Variants in EXT1 observed in about 807,000 individuals in gnomAD.
The protein encoded by EXT1 is exostosin-1.
A neutral mutation model predicts 82.5 loss-of-function variants in EXT1; 20 were observed. That is an observed-to-expected ratio of 0.24 (90% CI 0.17 to 0.35). EXT1 has a LOEUF of 0.35. Among genes scored for constraint, EXT1 ranks in the 10% least tolerant of loss-of-function variants. The probability of loss-of-function intolerance (pLI) is 1.00; values close to 1 mark genes in which losing one functional copy is unlikely to be tolerated. For missense variants in EXT1, 757 were observed against 936.5 expected, an observed-to-expected ratio of 0.81 and a Z score of 2.50; for synonymous variants, 348 against 350.8, an observed-to-expected ratio of 0.99 and a Z score of 0.09.
At chr8:118,047,892 TCA>T (rs1816648324) in intron 1 of EXT1, among the ~76,000 whole-genome samples, 3 of 152,106 alleles carry the variant, frequency 2.0e-5, no homozygotes, top group African/African-American at 7.2e-5. Context: ...AATTAATCAA[TCA>T]ATACCTAGCA....
At chr8:118,032,508 CTTT>C (rs1207517029) in intron 1 of EXT1, among the ~76,000 whole-genome samples, 1 of 133,134 alleles carries the variant, frequency 7.5e-6, no homozygotes, top group Admixed American at 7.6e-5. Flanking sequence ...AGGGTAACAA[CTTT>C]TTTTTTTTTT....
chr8:118,018,493 T>C (rs922418460), intron 1 of EXT1, among the ~76,000 whole-genome samples: 18 of 152,148 alleles, frequency 1.2e-4, no homozygotes, highest in African/African-American at 4.3e-4. Flanking sequence ...TGGCAACACC[T>C]TGATCTTGAC....
At position 117,822,964 on chromosome 8, in the gene EXT1, CAAG is replaced by C. The variant is rs538432458; in HGVS notation, c.1285-370_1285-368del. Among the ~76,000 whole-genome samples, 250 of 152,220 alleles carry C rather than the reference CAAG, an allele frequency of 1.6e-3. 1 individual carries two copies. The highest frequency in any genetic ancestry group is 5.5e-3 in the African/African-American group (229 of 41,546). The stretch of plus-strand genomic sequence containing the variant: ...ACTAAGATAGGTTCCAGGCCCCTAT[CAAG>C]AAGATCTGTTCTCAGAGAACAAGAG... On this transcript the variant is annotated intron_variant, in intron 4 of 10. Transcript: ENST00000378204.
intron 1 of EXT1, among the ~76,000 whole-genome samples, chr8:117,961,159 TTCTG>T (rs1159720696): frequency 3.3e-5 from 5 of 152,150 alleles, no homozygotes; most frequent in Non-Finnish European, 5.9e-5. Flanking sequence ...CTTCCCTCCC[TTCTG>T]TCTTTCTCTC....
chr8:117,968,811 C>T (rs1408262980), intron 1 of EXT1, among the ~76,000 whole-genome samples: 1 of 64,506 alleles, frequency 1.6e-5, no homozygotes, highest in Admixed American at 1.6e-4. Context: ...CCTTGTGATC[C>T]GCCCGCCTCG....
At chr8:118,073,698 A>G (rs1169835343) in intron 1 of EXT1, among the ~76,000 whole-genome samples, 1 of 110,738 alleles carries the variant, frequency 9.0e-6, no homozygotes, top group Admixed American at 8.8e-5. Flanking sequence ...AGAAGAGAAG[A>G]GAAGAGAAGC....
intron 8 of EXT1, among the ~76,000 whole-genome samples, chr8:117,811,398 A>G (rs1280983196): frequency 6.6e-6 from 1 of 152,108 alleles, no homozygotes; most frequent in African/African-American, 2.4e-5. Flanking sequence ...CAACCTACAC[A>G]TGACACAATT....
intron 1 of EXT1, among the ~76,000 whole-genome samples, chr8:118,071,891 C>G (rs1288931438): frequency 7.1e-6 from 1 of 141,530 alleles, no homozygotes; most frequent in Non-Finnish European, 1.5e-5. Flanking sequence ...AAAACAGCAT[C>G]CTGTCCCATT....
chr8:118,031,899 G>A (rs976856321), intron 1 of EXT1, among the ~76,000 whole-genome samples: 1 of 151,870 alleles, frequency 6.6e-6, no homozygotes, highest in African/African-American at 2.4e-5. Context: ...AATTGGCTAC[G>A]ATGAGACTGT....
At chr8:117,959,229 G>T (rs561422932) in intron 1 of EXT1, among the ~76,000 whole-genome samples, 1 of 152,126 alleles carries the variant, frequency 6.6e-6, no homozygotes, top group African/African-American at 2.4e-5. Flanking sequence ...AGCTTTTCCC[G>T]CAGGAGACAG....
At chr8:118,040,094 C>T (rs1026734579) in intron 1 of EXT1, among the ~76,000 whole-genome samples, 3 of 152,068 alleles carry the variant, frequency 2.0e-5, no homozygotes, top group Admixed American at 6.5e-5. Context: ...ACCTCTGGAA[C>T]TTTCCTTCTC....
intron 1 of EXT1, among the ~76,000 whole-genome samples, chr8:117,962,754 C>A: frequency 7.5e-6 from 1 of 132,466 alleles, no homozygotes; most frequent in African/African-American, 3.8e-5. Context: ...CTCCATCCCC[C>A]CACACCCCCC....
At chr8:118,087,078 G>A (rs150641961) in intron 1 of EXT1, among the ~76,000 whole-genome samples, 2 of 152,062 alleles carry the variant, frequency 1.3e-5, no homozygotes, top group Admixed American at 1.3e-4. Context: ...GGATGAATTC[G>A]CCACTTCAAG....
chr8:117,868,159 A>G (rs899768042), intron 1 of EXT1, among the ~76,000 whole-genome samples: 1 of 152,304 alleles, frequency 6.6e-6, no homozygotes, highest in Admixed American at 6.5e-5. Flanking sequence ...TAACAACCTC[A>G]TCAAGAGAGG....
At chr8:117,824,579 G>C (rs1265506067) in intron 4 of EXT1, among the ~76,000 whole-genome samples, 1 of 152,150 alleles carries the variant, frequency 6.6e-6, no homozygotes, top group Non-Finnish European at 1.5e-5. Flanking sequence ...CAGAATTTAA[G>C]AATAGCTGCC....
intron 1 of EXT1, among the ~76,000 whole-genome samples, chr8:117,910,385 C>T (rs1008291435): frequency 2.6e-5 from 4 of 152,316 alleles, no homozygotes; most frequent in African/African-American, 9.6e-5. Context: ...ACTCCTTCCT[C>T]TCCACCACTC....
rs756241600 is a variant in EXT1, at chr8:117,818,419, C to T, written c.1632+16G>A. ...CTCCACAGTGGTTCCACATATAGGT[C>T]CCCTTCGAGTCTTACCTTGCTCTCT... On this transcript the variant is annotated intron_variant, in intron 7 of 10. Coordinates refer to ENST00000378204, the MANE Select transcript of EXT1 (RefSeq NM_000127.3). 2.5e-6 allele frequency: 4 copies of T among 1,611,744 alleles called. No individual in the cohort carries two copies. Among genetic ancestry groups the T allele is most frequent in the Non-Finnish European group, 3.4e-6 (4 of 1,177,880 alleles).
chr8:117,831,571 T>A, intron 3 of EXT1: 1 of 471,110 alleles, frequency 2.1e-6, no homozygotes, highest in Non-Finnish European at 4.4e-6. Context: ...AGATTCCTTG[T>A]GATTTGCAAT....
chr8:117,913,665 T>C (rs959990314), intron 1 of EXT1, among the ~76,000 whole-genome samples: 5 of 152,176 alleles, frequency 3.3e-5, no homozygotes, highest in African/African-American at 1.2e-4. Context: ...CCTGCTACTC[T>C]CAGCTTCTTA....
Sources: allele counts gnomAD v4.1 joint callset (sites outside exome capture counted in the v4.1 genomes callset), GRCh38; gene constraint gnomAD v4.1.1; transcripts MANE v1.5; gene names NCBI Gene and HGNC (gene_info 2026-07-23, HGNC 2026-07-21).